RASA3: variants seen among roughly 807,000 people sequenced by gnomAD.
The protein encoded by RASA3 is ras GTPase-activating protein 3.
RASA3 carries 73 observed loss-of-function variants against 110.0 expected under a neutral mutation model. The observed-to-expected ratio is 0.66, with a 90% CI of 0.55 to 0.81. The LOEUF (loss-of-function observed/expected upper bound fraction) is 0.81. Ranked by LOEUF, RASA3 falls within the 30% of genes least tolerant of loss-of-function variation. The pLI is 0.00. For synonymous variants in RASA3, 500 were observed against 451.4 expected (o/e 1.11, Z -1.37); for missense variants, 976 against 1,113.2 (o/e 0.88, Z 1.75).
chr13:114,042,325 C>A (rs779708019), intron 3 of RASA3, among the ~76,000 whole-genome samples: 1 of 152,274 alleles, frequency 6.6e-6, no homozygotes, highest in Non-Finnish European at 1.5e-5. Flanking sequence ...TGAGCACCCA[C>A]GGCAGCACAT....
In RASA3 at chr13:114,130,134, C is replaced by G. The variant is rs144579197; in HGVS notation, c.55+2301G>C. On this transcript the variant is annotated intron_variant, in intron 1 of 23. Coordinates refer to ENST00000334062, the MANE Select transcript of RASA3 (RefSeq NM_007368.4). ...ACAGTTACATGAGACTAACCCCAAACCAGCGCACCCACAGGTCACCCTCAG... is the reference window on the plus strand; with the variant it reads ...ACAGTTACATGAGACTAACCCCAAAGCAGCGCACCCACAGGTCACCCTCAG... Among the ~76,000 whole-genome samples the G allele has an allele frequency of 2.6e-3, 390 of 152,350 alleles. 1 individual carries two copies. The highest frequency in any genetic ancestry group is 9.1e-3 in the African/African-American group (377 of 41,582).
intron 2 of RASA3, among the ~76,000 whole-genome samples, chr13:114,053,015 G>T (rs9590542): frequency 1.9e-4 from 13 of 69,054 alleles, no homozygotes; most frequent in African/African-American, 6.1e-4. Flanking sequence ...AGAGACCCCC[G>T]CTGCTGACTG....
chr13:114,030,364 G>GGAGGCAAGACTCACACAGAGAGCAAGA (rs1566501219), intron 4 of RASA3, among the ~76,000 whole-genome samples: 77 of 135,440 alleles, frequency 5.7e-4, no homozygotes, highest in African/African-American at 2.4e-3. Flanking sequence ...AGAGGGCAAG[G>GGAGGCAAGACTCACACAGAGAGCAAGA]CTCACACAGA....
At chr13:114,041,257 G>C (rs1187847818) in intron 3 of RASA3, among the ~76,000 whole-genome samples, 163 bp from the exon 4 acceptor site, 1 of 152,274 alleles carries the variant, frequency 6.6e-6, no homozygotes, top group African/African-American at 2.4e-5. Context: ...CCCCACGCTT[G>C]GGAGGCCCAG....
rs531815876 is a variant in RASA3 at position 114,036,961 on chromosome 13, T to G, written c.372+4039A>C. Reference sequence around the variant, plus strand: ...CAACGCATTGGAGAGCAGCGGGCATTGGAGAGCAATGACCTTGCCTCCTCC... The same window carrying G: ...CAACGCATTGGAGAGCAGCGGGCATGGGAGAGCAATGACCTTGCCTCCTCC... On this transcript the variant is annotated intron_variant, in intron 4 of 23. Transcript: ENST00000334062. 1.2e-4 allele frequency among the ~76,000 whole-genome samples: 19 copies of G among 152,304 alleles called. 1 individual carries two copies. The South Asian group carries it at 3.1e-3, about 25-fold the overall frequency.
At chr13:114,106,557 G>A (rs1329725325) in intron 1 of RASA3, among the ~76,000 whole-genome samples, 1 of 152,146 alleles carries the variant, frequency 6.6e-6, no homozygotes, top group Non-Finnish European at 1.5e-5. Context: ...GTAATTCGGA[G>A]CTTTGTAAAT....
At chr13:114,034,316 G>A (rs1200861824) in intron 4 of RASA3, among the ~76,000 whole-genome samples, 1 of 152,278 alleles carries the variant, frequency 6.6e-6, no homozygotes, top group Non-Finnish European at 1.5e-5. Context: ...GATTTGCAAG[G>A]CTGTGCAGAC....
chr13:114,106,076 C>T (rs2080131828), intron 1 of RASA3, among the ~76,000 whole-genome samples: 1 of 152,152 alleles, frequency 6.6e-6, no homozygotes, highest in African/African-American at 2.4e-5. Flanking sequence ...GGGTGCACAT[C>T]GCAGAGCGGC....
intron 1 of RASA3, among the ~76,000 whole-genome samples, chr13:114,126,144 A>C (rs2080445500): frequency 5.0e-5 from 6 of 119,246 alleles, no homozygotes; most frequent in African/African-American, 1.6e-4. Context: ...CCAACCTCGC[A>C]CCCTCCAGAG....
chr13:113,999,701 C>G, intron 19 of RASA3, 34 bp from the exon 20 acceptor site: 2 of 1,581,706 alleles, frequency 1.3e-6, no homozygotes, highest in South Asian at 2.2e-5. Context: ...TGGGTGCGGG[C>G]CCCGCTGTCC....
intron 22 of RASA3, among the ~76,000 whole-genome samples, chr13:113,991,985 CCA>C (rs1224504251): frequency 7.9e-5 from 12 of 152,154 alleles, no homozygotes; most frequent in Admixed American, 3.3e-4. Flanking sequence ...TCACACGTGT[CCA>C]CACATTCACA....
At chr13:114,051,695 C>T (rs7318180) in intron 3 of RASA3, among the ~76,000 whole-genome samples, 92,034 of 150,074 alleles carry the variant, frequency 0.61, 29,811 homozygotes, top group African/African-American at 0.84. Flanking sequence ...ACAGCCAAGA[C>T]GTGGTGAGGA....
At position 114,096,934 on chromosome 13, in the gene RASA3, A is replaced by G. The variant is rs995418368; in HGVS notation, c.56-23097T>C. ...TTGAACATGCGTTCTCTCCGCCTGCAGTGCCCTCCTCTGTGTCTCAATCCT... is the reference window on the plus strand; with the variant it reads ...TTGAACATGCGTTCTCTCCGCCTGCGGTGCCCTCCTCTGTGTCTCAATCCT... On this transcript the variant is annotated intron_variant, in intron 1 of 23. Transcript: ENST00000334062. The surrounding 1 kb of genome is among the most constrained non-coding windows in gnomAD (Gnocchi z 5.1). 2.6e-5 allele frequency among the ~76,000 whole-genome samples: 4 copies of G among 152,182 alleles called. No homozygotes were observed. The highest frequency in any genetic ancestry group is 6.5e-5 in the Admixed American group (1 of 15,282).
chr13:114,063,459 G>A (rs2079396404), intron 2 of RASA3, among the ~76,000 whole-genome samples: 1 of 151,522 alleles, frequency 6.6e-6, no homozygotes, highest in Admixed American at 6.6e-5. Context: ...AAATATTTAT[G>A]TTATAAATAT....
At chr13:114,008,542 C>T (rs12868950) in intron 17 of RASA3, among the ~76,000 whole-genome samples, 8 of 32,776 alleles carry the variant, frequency 2.4e-4, no homozygotes, top group African/African-American at 2.8e-4. Context: ...AGCCCTGGGG[C>T]CTGGATATTC....
At chr13:113,981,966 G>T in intron 22 of RASA3, 108 bp from the exon 23 acceptor site, 1 of 995,416 alleles carries the variant, frequency 1.0e-6, no homozygotes, top group Non-Finnish European at 1.5e-6. Flanking sequence ...TCCTTCCAAC[G>T]CAAGCTCCTC....
intron 1 of RASA3, among the ~76,000 whole-genome samples, chr13:114,095,884 C>G (rs1390017200): frequency 2.6e-5 from 4 of 152,242 alleles, no homozygotes; most frequent in Non-Finnish European, 5.9e-5. Context: ...GTCTCACTTT[C>G]TAATCCAGTA....
chr13:114,118,115 A>G (rs890296831), intron 1 of RASA3, among the ~76,000 whole-genome samples: 8 of 152,052 alleles, frequency 5.3e-5, no homozygotes, highest in Non-Finnish European at 1.0e-4. Flanking sequence ...AATTCTCATT[A>G]TGAGTCTCAT....
rs766042823 is a variant in RASA3, at chr13:114,007,523, C to T, written c.1742+10G>A. The T allele has an allele frequency of 6.8e-6, 11 of 1,608,282 alleles. No individual in the cohort carries two copies. The Admixed American group carries it at 1.2e-4, about 17-fold the overall frequency. On this transcript the variant is annotated intron_variant, in intron 18 of 23. Coordinates refer to ENST00000334062, the MANE Select transcript of RASA3 (RefSeq NM_007368.4). ...TCCTGCCCTGCCAGACGCCACCTTACCCTCCTTACCCTTCTTTAAGCACGA... is the reference window on the plus strand; with the variant it reads ...TCCTGCCCTGCCAGACGCCACCTTATCCTCCTTACCCTTCTTTAAGCACGA...
Sources: gnomAD v4.1 joint callset for allele counts (sites outside exome capture counted in the v4.1 genomes callset) on GRCh38, gnomAD v4.1.1 for gene constraint, Gnocchi (gnomAD v3.1) non-coding constraint, MANE v1.5 for transcripts, NCBI Gene and HGNC (gene_info 2026-07-23, HGNC 2026-07-21) for gene names.